The following DRP2 variants were observed in gnomAD, a reference collection of about 807,000 sequenced individuals.
The protein encoded by DRP2 is dystrophin related protein 2, also known as dystrophin-related protein 2.
DRP2 carries 29 observed loss-of-function variants against 78.2 expected under a neutral mutation model. The ratio of observed to expected loss-of-function variants is 0.37; its 90% CI spans 0.28 to 0.51. DRP2 has a LOEUF of 0.51. Ranked by LOEUF, DRP2 falls within the 20% of genes least tolerant of loss-of-function variation. The pLI is 0.94. For missense variants in DRP2, 686 were observed against 770.6 expected (o/e 0.89, Z 1.30); for synonymous variants, 290 against 281.9 (o/e 1.03, Z -0.29).
intron 19 of DRP2, 117 bp downstream of exon 19, chrX:101,255,041 G>C: frequency 9.4e-7 from 1 of 1,064,481 alleles, no homozygotes; most frequent in Admixed American, 2.2e-5. Flanking sequence ...ACAGTGGGGT[G>C]TGCAGCAGCC....
At chrX:101,253,752 C>T (rs750943190) in intron 17 of DRP2, among the ~76,000 whole-genome samples, 1 of 109,036 alleles carries the variant, frequency 9.2e-6, no homozygotes, top group East Asian at 2.9e-4. Context: ...ATCCTGTTGA[C>T]ACAGAAACGT....
chrX:101,243,191 C>A (rs1250055298), intron 9 of DRP2: 1 of 278,911 alleles, frequency 3.6e-6, no homozygotes, highest in Non-Finnish European at 6.3e-6. Flanking sequence ...CTTTGGGAGG[C>A]TGAGGTGGGC....
chrX:101,235,797 G>A, intron 3 of DRP2, 63 bp from the exon 4 acceptor site: 7 of 1,109,629 alleles, frequency 6.3e-6, no homozygotes, highest in Non-Finnish European at 8.4e-6. Context: ...CTCACCCTTG[G>A]CTTGGTGCAG....
In DRP2 at chrX:101,260,631, A is replaced by T; in HGVS notation, c.*10A>T. 1.7e-6 allele frequency: 2 copies of T among 1,205,717 alleles called. No individual in the cohort carries two copies. Among genetic ancestry groups the T allele is most frequent in the Non-Finnish European group, 2.2e-6 (2 of 892,923 alleles). On this transcript the variant is annotated 3_prime_UTR_variant, in exon 24 of 24. Coordinates refer to ENST00000395209, the MANE Select transcript of DRP2 (RefSeq NM_001939.3). ...CCTGCTGGCCTCTTGATGGAGCCAG[A>T]TCCCCATCCTATAGTTCATAGTCCT...
rs777173844 is a variant in DRP2 at position 101,229,197 on chromosome X, T to C, written c.-63-2388T>C. 3.6e-5 allele frequency among the ~76,000 whole-genome samples: 4 copies of C among 112,280 alleles called. No individual in the cohort carries two copies. In the Admixed American group the frequency reaches 3.8e-4, roughly 11 times the overall value. ...CTTCTATAATCAGCAAAAATAAAAA[T>C]GTTAACATAAAAAGAGGTCTGAAAG... On this transcript the variant is annotated intron_variant, in intron 2 of 23. Transcript: ENST00000395209.
chrX:101,231,824 C>T, intron 3 of DRP2, 60 bp downstream of exon 3: 1 of 1,012,033 alleles, frequency 9.9e-7, no homozygotes, highest in South Asian at 2.1e-5. Flanking sequence ...ATCTGTGTGT[C>T]CTTGGGGTAC....
chrX:101,231,952 G>A (rs1045091854), intron 3 of DRP2, among the ~76,000 whole-genome samples, 188 bp downstream of exon 3: 1 of 111,356 alleles, frequency 9.0e-6, no homozygotes, highest in African/African-American at 3.3e-5. Flanking sequence ...GGGGCATAAG[G>A]AAAGGAAGGG....
chrX:101,223,881 A>G (rs1222465957), intron 1 of DRP2, among the ~76,000 whole-genome samples: 1 of 111,858 alleles, frequency 8.9e-6, no homozygotes, highest in African/African-American at 3.3e-5. Flanking sequence ...TAAATCAGGT[A>G]CATCTGAAGC....
chrX:101,249,782 A>T (rs1238932724), intron 14 of DRP2, among the ~76,000 whole-genome samples: 1 of 111,912 alleles, frequency 8.9e-6, no homozygotes, highest in Admixed American at 9.5e-5. Context: ...CTAAGGCTGA[A>T]TTGGGATGTG....
chrX:101,232,002 C>T (rs898154658), intron 3 of DRP2, among the ~76,000 whole-genome samples: 2 of 110,975 alleles, frequency 1.8e-5, no homozygotes, highest in African/African-American at 6.6e-5. Flanking sequence ...TGCAGCTGAG[C>T]GGGGCTGGTT....
At position 101,226,192 on chromosome X, in the gene DRP2, A is replaced by G. The variant is rs367767094; in HGVS notation, c.-64+1486A>G. On this transcript the variant is annotated intron_variant, in intron 2 of 23. Coordinates refer to ENST00000395209, the MANE Select transcript of DRP2 (RefSeq NM_001939.3). ...AAGAGTTCTTAATTATTTTTTAAGTAGCTGTATAGAATTCCATTGTATGGA... is the reference window on the plus strand; with the variant it reads ...AAGAGTTCTTAATTATTTTTTAAGTGGCTGTATAGAATTCCATTGTATGGA... Among the ~76,000 whole-genome samples, 42 of 112,504 alleles carry G rather than the reference A, an allele frequency of 3.7e-4. 4 individuals carry two copies. The highest frequency in any genetic ancestry group is 3.2e-3 in the Admixed American group (34 of 10,640).
chrX:101,252,735 G>A lies in DRP2; in HGVS notation c.1977+19G>A, dbSNP rs750403123. The stretch of plus-strand genomic sequence containing the variant: ...CACACCGGTATGAAGCCTCCAGGCT[G>A]GGTGGGAGGGTTAGGCAGCTCTCAG... On this transcript the variant is annotated intron_variant, in intron 17 of 23. Coordinates refer to ENST00000395209, the MANE Select transcript of DRP2 (RefSeq NM_001939.3). 312 of 1,166,988 alleles carry A rather than the reference G, an allele frequency of 2.7e-4. No individual in the cohort carries two copies. The highest frequency in any genetic ancestry group is 3.3e-4 in the Non-Finnish European group (279 of 858,442).
At chrX:101,236,064 T>C (rs1922493070) in intron 4 of DRP2, 41 bp downstream of exon 4, 10 of 1,193,145 alleles carry the variant, frequency 8.4e-6, no homozygotes, top group Non-Finnish European at 1.1e-5. Flanking sequence ...TAGATGGTGT[T>C]GGGCTCCTTT....
At position 101,236,020 on chromosome X, in the gene DRP2, T is replaced by G. The variant is rs1922491797; in HGVS notation, c.278T>G (p.Leu93Arg). The G allele has an allele frequency of 8.3e-7, 1 of 1,211,458 alleles. No individual in the cohort carries two copies. Among genetic ancestry groups the G allele is most frequent in the Non-Finnish European group, 1.1e-6 (1 of 895,324 alleles). Residue 93 changes from leucine (L) to arginine (R), a missense_variant, in exon 4 of 24, where the codon CTC becomes CGC. Leu to Arg is a moderately radical substitution (Grantham distance 102). This residue lies in a region of DRP2 where 263 missense variants were observed against 239.1 expected (regional missense o/e 1.10). Transcript: ENST00000395209. The part of the protein sequence containing the change: ...WNEIKKKSHN[L>R]RARLEAFSDH... ...GAAATAAAAAAGAAGTCTCACAACC[T>G]CCGGTAAGAAACAGGTGCCTTAGGG... is the stretch of plus-strand genomic sequence containing the variant.
intron 3 of DRP2, among the ~76,000 whole-genome samples, chrX:101,232,840 G>T (rs1322641589): frequency 1.8e-5 from 2 of 112,306 alleles, no homozygotes; most frequent in African/African-American, 6.5e-5. Context: ...CCTGTTCATT[G>T]TCTACCCCCT....
chrX:101,258,165 A>G (rs1307857778), intron 21 of DRP2, 144 bp from the exon 22 acceptor site: 10 of 439,753 alleles, frequency 2.3e-5, no homozygotes, highest in Non-Finnish European at 3.7e-5. Flanking sequence ...GCAAGAGCAC[A>G]GCTGGGGGTG....
At chrX:101,248,652 C>A in intron 14 of DRP2, 53 bp downstream of exon 14, 1 of 1,068,269 alleles carries the variant, frequency 9.4e-7, no homozygotes, top group Non-Finnish European at 1.3e-6. Context: ...AAAGGTGTTG[C>A]AGGGAGGAGG....
intron 17 of DRP2, among the ~76,000 whole-genome samples, chrX:101,254,085 C>T (rs377091360): frequency 2.7e-5 from 3 of 110,980 alleles, no homozygotes; most frequent in African/African-American, 6.5e-5. Context: ...AGTTCAAGAC[C>T]GGCCTTGGTA....
intron 3 of DRP2, 46 bp downstream of exon 3, chrX:101,231,810 C>G (rs759755342): frequency 9.0e-7 from 1 of 1,115,215 alleles, no homozygotes; most frequent in Non-Finnish European, 1.2e-6. Context: ...AAAGTGGACA[C>G]AGGATCTGTG....
Sources: allele counts gnomAD v4.1 joint callset (sites outside exome capture counted in the v4.1 genomes callset), GRCh38; gene constraint gnomAD v4.1.1; regional missense constraint gnomAD v4.1.1; transcripts MANE v1.5; gene names NCBI Gene and HGNC (gene_info 2026-07-23, HGNC 2026-07-21).